Variants in QRICH1 observed in about 807,000 individuals in gnomAD.
The protein encoded by QRICH1 is glutamine rich 1.
QRICH1 carries 16 observed loss-of-function variants against 87.1 expected under a neutral mutation model. The ratio of observed to expected loss-of-function variants is 0.18; its 90% confidence interval spans 0.12 to 0.28. QRICH1 has a LOEUF of 0.28. Among genes scored for constraint, QRICH1 ranks in the 10% least tolerant of loss-of-function variants. The pLI is 1.00. For synonymous variants in QRICH1, 367 were observed against 368.4 expected (o/e 1.00, Z 0.05); for missense variants, 647 against 951.7 (o/e 0.68, Z 4.21).
chr3:49,067,229 T>G (rs1007633715), intron 2 of QRICH1, among the ~76,000 whole-genome samples: 3 of 152,192 alleles, frequency 2.0e-5, no homozygotes, highest in Non-Finnish European at 4.4e-5. Flanking sequence ...TGTCACTTTA[T>G]ATCCAAAATA....
chr3:49,058,086 G>A, intron 2 of QRICH1, 196 bp from the exon 3 acceptor site: 1 of 890,086 alleles, frequency 1.1e-6, no homozygotes, highest in Non-Finnish European at 1.7e-6. Flanking sequence ...CAATAACAGG[G>A]ACATATATCC....
chr3:49,048,118 ATTTC>A lies in QRICH1; in HGVS notation c.1339-876_1339-873del, dbSNP rs1381145882. ...TGAAAAGGGTAGGAACTGAGACAAC[ATTTC>A]TTTCTTTCTTTTTTTTTTTTTTGGC... On this transcript the variant is annotated intron_variant, in intron 3 of 9. Coordinates refer to ENST00000395443, the MANE Select transcript of QRICH1 (RefSeq NM_198880.3). Among the ~76,000 whole-genome samples the A allele has an allele frequency of 3.9e-3, 528 of 135,880 alleles. 4 individuals carry two copies. Among genetic ancestry groups the A allele is most frequent in the African/African-American group, 0.013 (472 of 37,322 alleles). 89.1% of individuals were successfully genotyped at this position (135,880 alleles called of 152,430 possible). A position where few individuals can be genotyped will look rare whatever the true frequency, so the allele number is the denominator to read the frequency against.
chr3:49,030,094 C>T lies in QRICH1; in HGVS notation c.*358G>A. The T allele has an allele frequency of 2.8e-6, 1 of 359,900 alleles. No homozygotes were observed. 22.3% of individuals were successfully genotyped at this position (359,900 alleles called of 1,614,324 possible). ...GGAAGTCGGCTGGGGAGATTCCCTC[C>T]AGGGTCCATCCATCATTAATTCCAT... On this transcript the variant is annotated 3_prime_UTR_variant, in exon 10 of 10. Coordinates refer to ENST00000395443, the MANE Select transcript of QRICH1 (RefSeq NM_198880.3).
At chr3:49,077,955 T>G (rs2041983194) in intron 1 of QRICH1, among the ~76,000 whole-genome samples, 1 of 152,212 alleles carries the variant, frequency 6.6e-6, no homozygotes, top group Non-Finnish European at 1.5e-5. Context: ...CCTGCAGACG[T>G]ACAGTTAACT....
chr3:49,038,543 T>C (rs2093289735), intron 6 of QRICH1, among the ~76,000 whole-genome samples: 1 of 151,740 alleles, frequency 6.6e-6, no homozygotes, highest in Non-Finnish European at 1.5e-5. Context: ...GCCTCCCGAG[T>C]AGCTGGGATT....
intron 6 of QRICH1, among the ~76,000 whole-genome samples, chr3:49,039,420 C>G (rs187509803): frequency 2.0e-5 from 3 of 151,832 alleles, no homozygotes; most frequent in Non-Finnish European, 4.4e-5. Flanking sequence ...GTGGCTCATG[C>G]CTGAAATCCC....
chr3:49,053,683 G>C (rs1420437093), intron 3 of QRICH1, among the ~76,000 whole-genome samples: 1 of 151,898 alleles, frequency 6.6e-6, no homozygotes, highest in East Asian at 1.9e-4. Flanking sequence ...TGTTTCTTTA[G>C]AGTTCTGGCA....
intron 9 of QRICH1, among the ~76,000 whole-genome samples, chr3:49,031,075 C>T (rs1481196854): frequency 1.3e-5 from 2 of 151,662 alleles, no homozygotes; most frequent in African/African-American, 4.9e-5. Flanking sequence ...CAACCTCCGC[C>T]CCCTTGGTTG....
At chr3:49,038,285 T>C (rs2093287983) in intron 6 of QRICH1, among the ~76,000 whole-genome samples, 1 of 151,734 alleles carries the variant, frequency 6.6e-6, no homozygotes, top group African/African-American at 2.4e-5. Context: ...ATGGTCTCGA[T>C]CTCCTGAACT....
At chr3:49,065,136 CTCT>C (rs2093459970) in intron 2 of QRICH1, among the ~76,000 whole-genome samples, 1 of 151,280 alleles carries the variant, frequency 6.6e-6, no homozygotes, top group Non-Finnish European at 1.5e-5. Flanking sequence ...TTTTGGAAAC[CTCT>C]TTTTTTTTTT....
chr3:49,082,903 A>G (rs2042090716), intron 1 of QRICH1, among the ~76,000 whole-genome samples: 1 of 150,766 alleles, frequency 6.6e-6, no homozygotes. Context: ...TCAAAAAAAA[A>G]AAAAAAGAAA....
chr3:49,032,967 A>T, intron 7 of QRICH1, 153 bp downstream of exon 7: 1 of 906,144 alleles, frequency 1.1e-6, no homozygotes, highest in Non-Finnish European at 1.6e-6. Flanking sequence ...TGTTTGCCTC[A>T]CTGGTTACCA....
At chr3:49,062,095 T>C (rs1167766397) in intron 2 of QRICH1, among the ~76,000 whole-genome samples, 1 of 152,018 alleles carries the variant, frequency 6.6e-6, no homozygotes, top group Non-Finnish European at 1.5e-5. Context: ...CCCAGCACTT[T>C]GGGAGGCTGA....
At chr3:49,050,397 T>G (rs1043630506) in intron 3 of QRICH1, among the ~76,000 whole-genome samples, 1 of 121,318 alleles carries the variant, frequency 8.2e-6, no homozygotes, top group African/African-American at 3.3e-5. Context: ...CACTCCAACC[T>G]GGGCGACAGA....
intron 6 of QRICH1, 109 bp downstream of exon 6, chr3:49,044,281 G>A (rs1331771942): frequency 5.9e-6 from 5 of 844,704 alleles, no homozygotes; most frequent in East Asian, 2.6e-5. Flanking sequence ...CTGCAGTCTG[G>A]GATTTATATC....
At position 49,040,616 on chromosome 3, in the gene QRICH1, G is replaced by T. The variant is rs558599588; in HGVS notation, c.1786+3774C>A. ...GGCACTCAAAAAATTTGTCTAACCA[G>T]TAAGTTTCTTTTTTAAGGGTAAAGC... On this transcript the variant is annotated intron_variant, in intron 6 of 9. Transcript: ENST00000395443. Among the ~76,000 whole-genome samples the T allele has an allele frequency of 8.9e-4, 135 of 152,160 alleles. 1 individual carries two copies. The highest frequency in any genetic ancestry group is 1.2e-3 in the Non-Finnish European group (85 of 68,026).
intron 1 of QRICH1, among the ~76,000 whole-genome samples, chr3:49,088,283 G>C (rs1252803479): frequency 1.3e-5 from 2 of 151,334 alleles, no homozygotes; most frequent in Admixed American, 1.3e-4. Flanking sequence ...CTTTTGCCTG[G>C]GTTTTGTTTC....
intron 6 of QRICH1, among the ~76,000 whole-genome samples, chr3:49,039,883 AACCCTGTCTCT>A (rs2093299962): frequency 6.6e-6 from 1 of 152,188 alleles, no homozygotes; most frequent in Admixed American, 6.5e-5. Flanking sequence ...AACATGGTGA[AACCCTGTCTCT>A]ACTAAAAATA....
chr3:49,062,328 C>T (rs2106924695), intron 2 of QRICH1, among the ~76,000 whole-genome samples: 1 of 149,562 alleles, frequency 6.7e-6, no homozygotes, highest in Non-Finnish European at 1.5e-5. Context: ...GAGTGAGACT[C>T]CATCTCAGAA....
Sources: allele counts gnomAD v4.1 joint callset (sites outside exome capture counted in the v4.1 genomes callset), GRCh38; gene constraint gnomAD v4.1.1; transcripts MANE v1.5; gene names NCBI Gene and HGNC (gene_info 2026-07-23, HGNC 2026-07-21).